Variants in TVP23B observed in about 807,000 individuals in gnomAD.
TVP23B encodes trans-golgi network vesicle protein 23 homolog B, also known as Golgi apparatus membrane protein TVP23 homolog B.
A neutral mutation model predicts 30.6 loss-of-function variants in TVP23B; 10 were observed. The ratio of observed to expected loss-of-function variants is 0.33; its 90% CI spans 0.20 to 0.55. The LOEUF is 0.55. TVP23B is among the 20% of genes least tolerant of loss of function. The pLI, the probability that TVP23B is intolerant of heterozygous loss-of-function variation, is 0.91. For missense variants in TVP23B, 153 were observed against 243.2 expected (o/e 0.63, Z 2.47); for synonymous variants, 67 against 83.1 (o/e 0.81, Z 1.06).
At chr17:18,781,496 G>T (rs12452017) in intron 1 of TVP23B, 191 bp downstream of exon 1, 236,366 of 1,089,916 alleles carry the variant, frequency 0.22, 27,482 homozygotes, top group East Asian at 0.47. Context: ...TGGGGGCGGC[G>T]TGACCCGTGC....
intron 1 of TVP23B, among the ~76,000 whole-genome samples, chr17:18,784,793 C>T (rs916020775): frequency 2.6e-5 from 4 of 152,218 alleles, no homozygotes; most frequent in African/African-American, 9.7e-5. Context: ...ACCTTATGTT[C>T]CTTGGTACTT....
Position 18,781,278 on chromosome 17 carries a change from C to G in TVP23B, c.-16C>G, listed in dbSNP as rs368665234. Reference sequence around the variant, plus strand: ...GCTGACGTGGCTCCCGGAAGTAGGGCTGGCGTAGGGCCGCCATGTTGCAGC... The same window carrying G: ...GCTGACGTGGCTCCCGGAAGTAGGGGTGGCGTAGGGCCGCCATGTTGCAGC... On this transcript the variant is annotated 5_prime_UTR_variant, in exon 1 of 7. Coordinates refer to ENST00000307767, the MANE Select transcript of TVP23B (RefSeq NM_016078.6). The G allele has an allele frequency of 9.7e-4, 1,528 of 1,569,230 alleles. 2 individuals carry two copies. The highest frequency in any genetic ancestry group is 1.3e-3 in the Non-Finnish European group (1,452 of 1,158,150).
At chr17:18,781,517 A>G (rs2035807328) in intron 1 of TVP23B, 1 of 811,328 alleles carries the variant, frequency 1.2e-6, no homozygotes, top group Non-Finnish European at 1.8e-6. Context: ...GGCGCAGAGC[A>G]AGTACTTCTT....
In TVP23B at chr17:18,781,225, G is replaced by A; in HGVS notation, c.-69G>A. 6.5e-7 allele frequency: 1 copy of A among 1,549,588 alleles called. No individual in the cohort carries two copies. Among genetic ancestry groups the A allele is most frequent in the Non-Finnish European group, 8.7e-7 (1 of 1,147,076 alleles). On this transcript the variant is annotated 5_prime_UTR_variant, in exon 1 of 7. Transcript: ENST00000307767. ...TGGCCCTTGGTGACGGGTCGCCTCA[G>A]TTCCGACCCGGACCCGTACGCTGCT...
At chr17:18,784,654 A>G (rs1242643638) in intron 1 of TVP23B, among the ~76,000 whole-genome samples, 5 of 152,148 alleles carry the variant, frequency 3.3e-5, no homozygotes, top group Non-Finnish European at 7.3e-5. Context: ...CGTCTCAAAA[A>G]AAAGAAAAAA....
At chr17:18,804,681 C>T (rs1404551619) in intron 6 of TVP23B, 96 of 667,956 alleles carry the variant, frequency 1.4e-4, no homozygotes, top group Non-Finnish European at 1.8e-4. Flanking sequence ...CTCTGCCCCC[C>T]GGGTTCATGT....
In TVP23B at chr17:18,804,208, G is replaced by A. The variant is rs2036213573; in HGVS notation, c.533G>A (p.Ser178Asn). The A allele has an allele frequency of 6.2e-7, 1 of 1,610,658 alleles. No homozygotes were observed. Among genetic ancestry groups the A allele is most frequent in the Non-Finnish European group, 8.5e-7 (1 of 1,179,090 alleles). Residue 178 changes from serine (S) to asparagine (N), a missense_variant, in exon 6 of 7, where the codon AGC (serine) becomes AAC (asparagine). Coordinates refer to ENST00000307767, the MANE Select transcript of TVP23B (RefSeq NM_016078.6). Reference sequence around the variant, plus strand: ...GGTTACATCAGGTGTAAGGTGCGCAGCAGAAAGCATTTAACCAGCATGGCT... The same window carrying A: ...GGTTACATCAGGTGTAAGGTGCGCAACAGAAAGCATTTAACCAGCATGGCT... Reference protein sequence around the residue: ...LYGYIRCKVRSRKHLTSMATS... With the variant: ...LYGYIRCKVRNRKHLTSMATS...
At position 18,789,350 on chromosome 17, in the gene TVP23B, C is replaced by A. The variant is rs750642353; in HGVS notation, c.13-3C>A. On this transcript the variant is annotated splice_polypyrimidine_tract_variant and splice_region_variant and intron_variant, in intron 1 of 6. Transcript: ENST00000307767. ...CTTCTTGACCATTTATTTTTCCTAC[C>A]AGGATAGTAATGATGACACTGAAGA... is the stretch of plus-strand genomic sequence containing the variant. 3 of 1,613,846 alleles carry A rather than the reference C, an allele frequency of 1.9e-6. No homozygotes were observed. The highest frequency in any genetic ancestry group is 2.7e-5 in the African/African-American group (2 of 74,974).
At chr17:18,797,324 G>A (rs1289547166) in intron 3 of TVP23B, 1 of 415,060 alleles carries the variant, frequency 2.4e-6, no homozygotes, top group Non-Finnish European at 4.6e-6. Flanking sequence ...AATTGTTCAT[G>A]AGGGAAAAGA....
intron 1 of TVP23B, 87 bp downstream of exon 1, chr17:18,781,392 G>C (rs570538019): frequency 6.5e-7 from 1 of 1,531,688 alleles, no homozygotes; most frequent in South Asian, 1.2e-5. Context: ...CGTCCCCCGC[G>C]CCCGCTACTC....
At chr17:18,790,463 C>CAA (rs1465361992) in intron 2 of TVP23B, among the ~76,000 whole-genome samples, 12 of 24,126 alleles carry the variant, frequency 5.0e-4, no homozygotes, top group Admixed American at 1.4e-3. Context: ...GACTCCGTCT[C>CAA]AAAAAAAAAA....
At chr17:18,804,004 A>G (rs1442010114) in intron 5 of TVP23B, 134 bp from the exon 6 acceptor site, 21 of 609,620 alleles carry the variant, frequency 3.4e-5, no homozygotes, top group Non-Finnish European at 2.4e-5. Context: ...GAAAATCTCA[A>G]CTGGCACAAT....
At position 18,805,863 on chromosome 17, in the gene TVP23B, T is replaced by G; in HGVS notation, c.*296T>G. 1 of 1,160,822 alleles carries G rather than the reference T, an allele frequency of 8.6e-7. No homozygotes were observed. Among genetic ancestry groups the G allele is most frequent in the Non-Finnish European group, 1.1e-6 (1 of 940,142 alleles). The allele number at this position is 1,160,822 out of a possible 1,614,324, so 71.9% of individuals were successfully genotyped here. On this transcript the variant is annotated 3_prime_UTR_variant, in exon 7 of 7. Coordinates refer to ENST00000307767, the MANE Select transcript of TVP23B (RefSeq NM_016078.6). ...CCATGTAATATCAGTATATCCCAAGTTAATGAAAGTGTTCATTTACATAGG... is the reference window on the plus strand; with the variant it reads ...CCATGTAATATCAGTATATCCCAAGGTAATGAAAGTGTTCATTTACATAGG...
At chr17:18,793,219 G>A (rs1204355841) in intron 3 of TVP23B, among the ~76,000 whole-genome samples, 2 of 151,924 alleles carry the variant, frequency 1.3e-5, no homozygotes, top group Non-Finnish European at 2.9e-5. Context: ...ATAATTTAAA[G>A]GTATGCTTAA....
intron 1 of TVP23B, among the ~76,000 whole-genome samples, chr17:18,785,683 G>T (rs1449499063): frequency 6.6e-6 from 1 of 152,064 alleles, no homozygotes; most frequent in Non-Finnish European, 1.5e-5. Context: ...AGACTAGCCT[G>T]GGCAACATAG....
rs1447435012 is a variant in TVP23B, at chr17:18,806,125, C to G, written c.*558C>G. 3.2e-6 allele frequency: 3 copies of G among 950,776 alleles called. No homozygotes were observed. In the African/African-American group the frequency reaches 5.3e-5, roughly 17 times the overall value. The allele number at this position is 950,776 out of a possible 1,614,324, so 58.9% of individuals were successfully genotyped here. A position where few individuals can be genotyped will look rare whatever the true frequency, so the allele number is the denominator to read the frequency against. ...GCAAGCAAGTGAAAACAATTAGGGC[C>G]AGTGGTATTAACTACTTTATAAAAT... On this transcript the variant is annotated 3_prime_UTR_variant, in exon 7 of 7. Transcript: ENST00000307767.
At chr17:18,787,402 C>CAA (rs565447334) in intron 1 of TVP23B, among the ~76,000 whole-genome samples, 25,004 of 87,976 alleles carry the variant, frequency 0.28, 2,841 homozygotes, top group East Asian at 0.56. Context: ...GACTCTGTCT[C>CAA]AAAAAAAAAA....
At chr17:18,785,425 G>T (rs1277660336) in intron 1 of TVP23B, among the ~76,000 whole-genome samples, 3 of 146,136 alleles carry the variant, frequency 2.1e-5, no homozygotes, top group Non-Finnish European at 4.5e-5. Context: ...ACTTACAGCA[G>T]TACCTGGCAC....
intron 3 of TVP23B, among the ~76,000 whole-genome samples, chr17:18,794,231 T>C (rs2036041583): frequency 6.6e-6 from 1 of 152,208 alleles, no homozygotes; most frequent in Admixed American, 6.5e-5. Context: ...ATTTGGGACT[T>C]TGTATGACAG....
Sources: allele counts gnomAD v4.1 joint callset (sites outside exome capture counted in the v4.1 genomes callset), GRCh38; gene constraint gnomAD v4.1.1; transcripts MANE v1.5; gene names NCBI Gene and HGNC (gene_info 2026-07-23, HGNC 2026-07-21).